The following KLHL12 variants were observed in gnomAD, a reference collection of about 807,000 sequenced individuals.
KLHL12 encodes the protein kelch-like protein 12.
KLHL12 carries 17 observed loss-of-function variants against 60.8 expected under a neutral mutation model. That is an observed-to-expected ratio of 0.28 (90% CI 0.19 to 0.42). KLHL12 has a LOEUF of 0.42. Among genes scored for constraint, KLHL12 ranks in the 10% least tolerant of loss-of-function variants. The probability of loss-of-function intolerance (pLI) is 1.00; values close to 1 mark genes in which losing one functional copy is unlikely to be tolerated. For synonymous variants in KLHL12, 220 were observed against 250.9 expected, an observed-to-expected ratio of 0.88 and a Z score of 1.16; for missense variants, 468 against 722.3, an observed-to-expected ratio of 0.65 and a Z score of 4.04.
intron 6 of KLHL12, among the ~76,000 whole-genome samples, chr1:202,904,739 G>GT (rs1660129690): frequency 6.6e-6 from 1 of 152,186 alleles, no homozygotes; most frequent in Non-Finnish European, 1.5e-5. Context: ...TGTGTGTGCT[G>GT]TGACACGTTG....
chr1:202,905,447 A>C (rs1465399297), intron 6 of KLHL12, among the ~76,000 whole-genome samples: 1 of 152,238 alleles, frequency 6.6e-6, no homozygotes, highest in African/African-American at 2.4e-5. Flanking sequence ...GAGAAGTTAA[A>C]GGACTTGTCC....
Position 202,925,115 on chromosome 1 carries a change from A to C in KLHL12, c.48T>G (p.Ala16=). 6.2e-7 allele frequency: 1 copy of C among 1,614,190 alleles called. No homozygotes were observed. Residue 16 remains alanine, a synonymous_variant, in exon 2 of 12, where the codon GCT becomes GCG. Transcript: ENST00000367261. ...AGTTCATTGAATTGAGGATGGATTT[A>C]GCATGAGTATTTGTCATTATGTCTT... ...APKDIMTNTH[A]KSILNSMNSL... is the part of the protein sequence containing the mutation.
rs781048770 is a variant in KLHL12 at position 202,892,043 on chromosome 1, C to G, written c.*490G>C. The stretch of plus-strand genomic sequence containing the variant: ...TTCCCTCTAGAATGGAACTGTGTTG[C>G]CCCTAGCTACCTGTATATGAGAAAA... On this transcript the variant is annotated 3_prime_UTR_variant, in exon 12 of 12. Transcript: ENST00000367261. The G allele has an allele frequency of 6.6e-6, 1 of 150,468 alleles. No homozygotes were observed. Among genetic ancestry groups the G allele is most frequent in the Non-Finnish European group, 1.5e-5 (1 of 67,836 alleles). 9.3% of individuals were successfully genotyped at this position (150,468 alleles called of 1,614,324 possible).
At chr1:202,911,639 T>A (rs16850747) in intron 4 of KLHL12, among the ~76,000 whole-genome samples, 28 of 152,228 alleles carry the variant, frequency 1.8e-4, no homozygotes, top group South Asian at 1.2e-3. Context: ...TAATTTTAAG[T>A]CATAATTGTT....
chr1:202,906,372 T>C (rs1466094466), intron 6 of KLHL12, among the ~76,000 whole-genome samples: 1 of 145,692 alleles, frequency 6.9e-6, no homozygotes, highest in Non-Finnish European at 1.5e-5. Flanking sequence ...GGAGAATCGC[T>C]TGAACCCAGG....
At chr1:202,924,930 C>T (rs1653451156) in intron 2 of KLHL12, 38 bp downstream of exon 2, 1 of 1,589,546 alleles carries the variant, frequency 6.3e-7, no homozygotes, top group African/African-American at 1.4e-5. Flanking sequence ...ACTAGAGTTC[C>T]ACGGGTTTCA....
chr1:202,927,745 C>T (rs1322087046), upstream of KLHL12, among the ~76,000 whole-genome samples: 4 of 149,376 alleles, frequency 2.7e-5, no homozygotes, highest in African/African-American at 9.9e-5. Flanking sequence ...TTTGGGAGGC[C>T]GAGGCGGGTG....
chr1:202,906,811 A>G (rs1479587469), intron 6 of KLHL12, among the ~76,000 whole-genome samples: 1 of 151,968 alleles, frequency 6.6e-6, no homozygotes. Flanking sequence ...ACAGGTGTGC[A>G]CCACCACACT....
intron 2 of KLHL12, among the ~76,000 whole-genome samples, chr1:202,922,542 A>C (rs147287870): frequency 1.2e-3 from 176 of 150,674 alleles, no homozygotes; most frequent in African/African-American, 4.2e-3. Context: ...GCTGGAGTGC[A>C]GTGGCGTGAT....
rs1429550789 is a variant in KLHL12 at position 202,909,615 on chromosome 1, T to G, written c.718-491A>C. On this transcript the variant is annotated intron_variant, in intron 5 of 11. Transcript: ENST00000367261. This position sits in a 1 kb window ranked among gnomAD's most constrained non-coding sequence, Gnocchi z 4.1. ...TTCTGACAGCTCTGTACTGGACATC[T>G]TTCATTTGCCTCCCAACTCACTCTG... is the stretch of plus-strand genomic sequence containing the variant. 2.0e-5 allele frequency among the ~76,000 whole-genome samples: 3 copies of G among 152,178 alleles called. No homozygotes were observed. The highest frequency in any genetic ancestry group is 4.4e-5 in the Non-Finnish European group (3 of 68,030).
At chr1:202,900,260 G>C (rs1414501578) in intron 6 of KLHL12, among the ~76,000 whole-genome samples, 1 of 112,182 alleles carries the variant, frequency 8.9e-6, no homozygotes, top group Non-Finnish European at 1.7e-5. Context: ...TATATCTAAA[G>C]AAGTCAGGCA....
intron 3 of KLHL12, among the ~76,000 whole-genome samples, chr1:202,919,169 T>C (rs1375039753): frequency 1.3e-5 from 2 of 152,168 alleles, no homozygotes; most frequent in Non-Finnish European, 1.5e-5. Context: ...GGTGTGAGAA[T>C]TGCTTGAGCC....
intron 7 of KLHL12, among the ~76,000 whole-genome samples, chr1:202,896,210 T>G (rs1659828430): frequency 6.6e-6 from 1 of 151,918 alleles, no homozygotes; most frequent in African/African-American, 2.4e-5. Context: ...TTTTTCTGAG[T>G]TGGGATCTCA....
chr1:202,896,207 G>A (rs964672679), intron 7 of KLHL12, among the ~76,000 whole-genome samples: 29 of 151,746 alleles, frequency 1.9e-4, no homozygotes, highest in Non-Finnish European at 1.5e-4. Context: ...TTTTTTTTCT[G>A]AGTTGGGATC....
At chr1:202,916,763 G>A (rs1355044042) in intron 4 of KLHL12, among the ~76,000 whole-genome samples, 1 of 152,116 alleles carries the variant, frequency 6.6e-6, no homozygotes, top group Non-Finnish European at 1.5e-5. Flanking sequence ...AGCATTGCTT[G>A]AGCCTAGCAG....
intron 6 of KLHL12, among the ~76,000 whole-genome samples, chr1:202,900,363 G>T (rs1176263319): frequency 6.6e-6 from 1 of 151,550 alleles, no homozygotes; most frequent in Non-Finnish European, 1.5e-5. Context: ...GGGTAACATG[G>T]TGAGACTCCC....
chr1:202,916,536 T>C (rs1213374936), intron 4 of KLHL12, among the ~76,000 whole-genome samples: 1 of 150,354 alleles, frequency 6.7e-6, no homozygotes, highest in Non-Finnish European at 1.5e-5. Context: ...CCCAGCTACC[T>C]GGGAGGCCGA....
chr1:202,908,004 G>A (rs1265619225), intron 6 of KLHL12, among the ~76,000 whole-genome samples: 2 of 152,136 alleles, frequency 1.3e-5, no homozygotes, highest in East Asian at 1.9e-4. Flanking sequence ...CACGCATCAT[G>A]AGTCCTCAGT....
chr1:202,902,731 T>A (rs551168110), intron 6 of KLHL12, among the ~76,000 whole-genome samples: 39 of 152,242 alleles, frequency 2.6e-4, no homozygotes, highest in African/African-American at 9.4e-4. Context: ...GGCTCACACC[T>A]GTAACCCTAG....
Sources: allele counts gnomAD v4.1 joint callset (sites outside exome capture counted in the v4.1 genomes callset), GRCh38; gene constraint gnomAD v4.1.1; non-coding constraint Gnocchi (gnomAD v3.1); transcripts MANE v1.5; gene names NCBI Gene and HGNC (gene_info 2026-07-23, HGNC 2026-07-21).